Variants in GDF7 observed in about 807,000 individuals in gnomAD.
The protein encoded by GDF7 is growth differentiation factor 7.
A neutral mutation model predicts 13.4 loss-of-function variants in GDF7; 12 were observed. The ratio of observed to expected loss-of-function variants is 0.90; its 90% CI spans 0.57 to 1.45. The LOEUF (loss-of-function observed/expected upper bound fraction) is 1.45. Among genes scored for constraint, GDF7 ranks in the 40% most tolerant of loss-of-function variants. The pLI is 0.00. For synonymous variants in GDF7, 330 were observed against 306.4 expected, an observed-to-expected ratio of 1.08 and a Z score of -0.80; for missense variants, 651 against 652.4, an observed-to-expected ratio of 1.00 and a Z score of 0.02.
chr2:20,667,741 AC>A lies in GDF7; in HGVS notation c.391+114del. 1.3e-6 allele frequency: 1 copy of A among 771,300 alleles called. No homozygotes were observed. The highest frequency in any genetic ancestry group is 1.8e-6 in the Non-Finnish European group (1 of 564,958). The allele number at this position is 771,300 out of a possible 1,614,324, so 47.8% of individuals were successfully genotyped here. On this transcript the variant is annotated intron_variant, in intron 1 of 1. Transcript: ENST00000272224. The surrounding 1 kb of genome is among the most constrained non-coding windows in gnomAD (Gnocchi z 6.4). ...TTGGAGCCGCGGCCCCATGCGGCCC[AC>A]CCTCAGGTGATAGAAAGAAACTTCG...
intron 1 of GDF7, among the ~76,000 whole-genome samples, chr2:20,668,284 G>A (rs552308513): frequency 9.9e-5 from 15 of 152,204 alleles, no homozygotes; most frequent in African/African-American, 2.9e-4. Flanking sequence ...GCCCCTGGGA[G>A]AGCCAGAGGT....
rs770825747 is a variant in GDF7 at position 20,670,848 on chromosome 2, G to T, written c.776G>T (p.Gly259Val). The T allele has an allele frequency of 2.0e-6, 3 of 1,499,692 alleles. No individual in the cohort carries two copies. The highest frequency in any genetic ancestry group is 2.1e-4 in the Middle Eastern group (1 of 4,678). 92.9% of individuals were successfully genotyped at this position (1,499,692 alleles called of 1,614,324 possible). The change falls in exon 2 of 2, where the codon GGC becomes GTC. Residue 259 changes from glycine to valine, a missense_variant. This residue lies in a region of GDF7 where 487 missense variants were observed against 445.9 expected (regional missense o/e 1.09). Transcript: ENST00000272224. ...GGCTTCGGCTGGCCGGGCGGAGGGG[G>T]CTCTGCGGCAGAGGAGCGCGCGGTG... ...RLGFGWPGGG[G>V]SAAEERAVLV... is the part of the protein sequence containing the mutation.
In GDF7 at chr2:20,671,243, G is replaced by A. The variant is rs751602269; in HGVS notation, c.1171G>A (p.Glu391Lys). Residue 391 changes from glutamate to lysine, a missense_variant, in exon 2 of 2, where the codon GAG becomes AAG. Around this residue, in one of 4 missense-constraint regions of GDF7, gnomAD observed 101 missense variants for 139.2 expected, o/e 0.73. Coordinates refer to ENST00000272224, the MANE Select transcript of GDF7 (RefSeq NM_182828.4). ...LCDFPLRSHL[E>K]PTNHAIIQTL... ...CGACTTCCCTTTGCGTTCGCACCTC[G>A]AGCCCACCAACCATGCCATCATTCA... The A allele has an allele frequency of 6.2e-6, 10 of 1,613,882 alleles. No individual in the cohort carries two copies. In the Admixed American group the frequency reaches 1.7e-4, roughly 27 times the overall value.
Position 20,667,638 on chromosome 2 carries a change from C to T in GDF7, c.391+8C>T. On this transcript the variant is annotated splice_region_variant and intron_variant, in intron 1 of 1. Transcript: ENST00000272224. The surrounding 1 kb of genome is among the most constrained non-coding windows in gnomAD (Gnocchi z 6.4). ...CAGACCAGGCGACCCAAGGTACTTACGCCTCTTCTGTGCCCGCCCATCCCG... is the reference window on the plus strand; with the variant it reads ...CAGACCAGGCGACCCAAGGTACTTATGCCTCTTCTGTGCCCGCCCATCCCG... 6 of 1,457,920 alleles carry T rather than the reference C, an allele frequency of 4.1e-6. No homozygotes were observed. Among genetic ancestry groups the T allele is most frequent in the Non-Finnish European group, 5.4e-6 (6 of 1,108,900 alleles). 90.3% of individuals were successfully genotyped at this position (1,457,920 alleles called of 1,614,324 possible).
In GDF7 at chr2:20,670,676, C is replaced by CCCCT; in HGVS notation, c.605_608dup (p.Val204ProfsTer21). ...CCTGCTGTACTCGCGGGCAGCTGAG[C>CCCCT]CCCTAGTCGGTCAGCGCTGGGAGGC... is the stretch of plus-strand genomic sequence containing the variant. On this transcript the variant is annotated frameshift_variant, in exon 2 of 2. Coordinates refer to ENST00000272224, the MANE Select transcript of GDF7 (RefSeq NM_182828.4). LOFTEE classifies it low-confidence loss of function (END_TRUNC). 6.6e-7 allele frequency: 1 copy of CCCCT among 1,519,190 alleles called. No homozygotes were observed. Among genetic ancestry groups the CCCCT allele is most frequent in the East Asian group, 2.5e-5 (1 of 40,314 alleles). The allele number at this position is 1,519,190 out of a possible 1,614,324, so 94.1% of individuals were successfully genotyped here.
In GDF7 at chr2:20,671,231, C is replaced by A; in HGVS notation, c.1159C>A (p.Arg387Ser). ...CGAGGGCCTTTGCGACTTCCCTTTG[C>A]GTTCGCACCTCGAGCCCACCAACCA... is the stretch of plus-strand genomic sequence containing the variant. ...HCEGLCDFPL[R>S]SHLEPTNHAI... Residue 387 changes from arginine to serine, a missense_variant, in exon 2 of 2, where the codon CGT becomes AGT. Around this residue, in one of 4 missense-constraint regions of GDF7, gnomAD observed 101 missense variants for 139.2 expected, o/e 0.73. Coordinates refer to ENST00000272224, the MANE Select transcript of GDF7 (RefSeq NM_182828.4). 6.2e-7 allele frequency: 1 copy of A among 1,613,976 alleles called. No homozygotes were observed. The highest frequency in any genetic ancestry group is 8.5e-7 in the Non-Finnish European group (1 of 1,179,936).
Position 20,677,987 on chromosome 2 carries a change from T to A in GDF7, c.*6562T>A. The stretch of plus-strand genomic sequence containing the variant: ...CTGGGGCAGCAGCAGCAGCAGCAGC[T>A]GGGCTTGGGGTGAGTAGGCTGGCTT... On this transcript the variant is annotated 3_prime_UTR_variant, in exon 2 of 2. Transcript: ENST00000272224. 6.5e-6 allele frequency: 1 copy of A among 154,182 alleles called. No individual in the cohort carries two copies. 9.6% of individuals were successfully genotyped at this position (154,182 alleles called of 1,614,324 possible).
At position 20,671,119 on chromosome 2, in the gene GDF7, C is replaced by T; in HGVS notation, c.1047C>T (p.Cys349=). The T allele has an allele frequency of 3.1e-6, 5 of 1,609,042 alleles. No individual in the cohort carries two copies. The highest frequency in any genetic ancestry group is 4.2e-6 in the Non-Finnish European group (5 of 1,178,010). ...ACGGGCGCAGGGGCCGGAGCCGCTG[C>T]AGCCGCAAGCCGTTGCACGTGGACT... ...RGHGRRGRSR[C]SRKPLHVDFK... The change falls in exon 2 of 2, where the codon TGC becomes TGT. Residue 349 remains cysteine, a synonymous_variant. Coordinates refer to ENST00000272224, the MANE Select transcript of GDF7 (RefSeq NM_182828.4).
chr2:20,667,446 G>A lies in GDF7; in HGVS notation c.207G>A (p.Arg69=). The A allele has an allele frequency of 7.9e-6, 9 of 1,135,768 alleles. No individual in the cohort carries two copies. Among genetic ancestry groups the A allele is most frequent in the Non-Finnish European group, 9.7e-6 (9 of 924,046 alleles). The allele number at this position is 1,135,768 out of a possible 1,614,324, so 70.4% of individuals were successfully genotyped here. A position where few individuals can be genotyped will look rare whatever the true frequency, so the allele number is the denominator to read the frequency against. ...CTGTCCCGGCCGCCGCGGTTCCCCG[G>A]GCCCGCGCCGCGCGCCGCGCCGCGG... ...AAAVPAAAVP[R]ARAARRAAGS... Residue 69 remains arginine, a synonymous_variant, in exon 1 of 2, where the codon CGG becomes CGA. Transcript: ENST00000272224. The surrounding 1 kb of genome is among the most constrained non-coding windows in gnomAD (Gnocchi z 6.4).
In GDF7 at chr2:20,674,033, CAT is replaced by C. The variant is rs1232958827; in HGVS notation, c.*2609_*2610del. On this transcript the variant is annotated 3_prime_UTR_variant, in exon 2 of 2. Transcript: ENST00000272224. Reference sequence around the variant, plus strand: ...TAAAAATGACAACAAAGGGCCAACACATGTGGGGCAGACGGCTTTTTGCTGCT... The same window carrying C: ...TAAAAATGACAACAAAGGGCCAACACGTGGGGCAGACGGCTTTTTGCTGCT... The C allele has an allele frequency of 4.6e-5, 7 of 152,246 alleles. No homozygotes were observed. The highest frequency in any genetic ancestry group is 1.7e-4 in the African/African-American group (7 of 41,462). The allele number at this position is 152,246 out of a possible 1,614,324, so 9.4% of individuals were successfully genotyped here.
Position 20,670,607 on chromosome 2 carries a change from T to TTGC in GDF7, c.544_546dup (p.Leu182dup), listed in dbSNP as rs1042704917. ...CCCAGGCAGCTGGACTTCTCCGCCG[T>TTGC]TGCTGCTGCTGTCCACGTGCCCGGG... On this transcript the variant is annotated inframe_insertion, in exon 2 of 2. Coordinates refer to ENST00000272224, the MANE Select transcript of GDF7 (RefSeq NM_182828.4). 1 of 1,590,832 alleles carries TTGC rather than the reference T, an allele frequency of 6.3e-7. No homozygotes were observed. The highest frequency in any genetic ancestry group is 8.5e-7 in the Non-Finnish European group (1 of 1,170,952).
Position 20,670,446 on chromosome 2 carries a change from C to T in GDF7, c.392-18C>T, listed in dbSNP as rs2149311025. On this transcript the variant is annotated intron_variant, in intron 1 of 1. Coordinates refer to ENST00000272224, the MANE Select transcript of GDF7 (RefSeq NM_182828.4). ...TCTTACACAGCTCTTTCTCTCTGTC[C>T]CTGCCGGTCCCCCGCAGACGAATCG... is the stretch of plus-strand genomic sequence containing the variant. 1.3e-6 allele frequency: 2 copies of T among 1,511,692 alleles called. No homozygotes were observed. Among genetic ancestry groups the T allele is most frequent in the Non-Finnish European group, 1.8e-6 (2 of 1,129,242 alleles). The allele number at this position is 1,511,692 out of a possible 1,614,324, so 93.6% of individuals were successfully genotyped here.
rs1440919472 is a variant in GDF7, at chr2:20,674,416, G to C, written c.*2991G>C. 1 of 152,238 alleles carries C rather than the reference G, an allele frequency of 6.6e-6. No individual in the cohort carries two copies. The highest frequency in any genetic ancestry group is 1.5e-5 in the Non-Finnish European group (1 of 68,064). The allele number at this position is 152,238 out of a possible 1,614,324, so 9.4% of individuals were successfully genotyped here. ...ACCAGGATTTCCTGCTAGTGAGTAG[G>C]ATTTGGCATCCCTACTTAGGGAGCT... On this transcript the variant is annotated 3_prime_UTR_variant, in exon 2 of 2. Coordinates refer to ENST00000272224, the MANE Select transcript of GDF7 (RefSeq NM_182828.4).
At position 20,670,643 on chromosome 2, in the gene GDF7, G is replaced by C. The variant is rs1232293886; in HGVS notation, c.571G>C (p.Ala191Pro). Residue 191 changes from alanine to proline, a missense_variant, in exon 2 of 2, where the codon GCG (alanine) becomes CCG (proline). Physicochemically the swap from Ala to Pro is conservative, Grantham distance 27 (BLOSUM62 -1). Transcript: ENST00000272224. ...LLSTCPGAAR[A>P]PRLLYSRAAE... ...GTCCACGTGCCCGGGCGCCGCCCGA[G>C]CGCCACGCCTGCTGTACTCGCGGGC... 6.4e-7 allele frequency: 1 copy of C among 1,554,734 alleles called. No homozygotes were observed.
At position 20,667,828 on chromosome 2, in the gene GDF7, C is replaced by T. The variant is rs545645144; in HGVS notation, c.391+198C>T. ...CTGTGGCGAGAGTCGCGGCAGCTCC[C>T]GGGGCCCAGTCCCAGAGGGCTGACT... On this transcript the variant is annotated intron_variant, in intron 1 of 1. Coordinates refer to ENST00000272224, the MANE Select transcript of GDF7 (RefSeq NM_182828.4). The surrounding 1 kb of genome is among the most constrained non-coding windows in gnomAD (Gnocchi z 6.4). Among the ~76,000 whole-genome samples the T allele has an allele frequency of 6.6e-6, 1 of 152,316 alleles. No homozygotes were observed. The highest frequency in any genetic ancestry group is 2.1e-4 in the South Asian group (1 of 4,828).
intron 1 of GDF7, 127 bp from the exon 2 acceptor site, chr2:20,670,337 C>G: frequency 9.3e-7 from 1 of 1,072,080 alleles, no homozygotes; most frequent in East Asian, 3.2e-5. Flanking sequence ...CGGGCGCTGG[C>G]TCCAACAGGC....
Position 20,670,403 on chromosome 2 carries a change from A to G in GDF7, c.392-61A>G, listed in dbSNP as rs947156932. On this transcript the variant is annotated intron_variant, in intron 1 of 1. Transcript: ENST00000272224. ...TTTGCTGTTAGGAGGCCCCGCGCTG[A>G]CAGTGTGCAGGATTTGCTCTTACAC... The G allele has an allele frequency of 5.1e-5, 74 of 1,439,808 alleles. No homozygotes were observed. The African/African-American group carries it at 1.0e-3, about 20-fold the overall frequency. The allele number at this position is 1,439,808 out of a possible 1,614,324, so 89.2% of individuals were successfully genotyped here.
At chr2:20,669,015 A>T (rs913287499) in intron 1 of GDF7, among the ~76,000 whole-genome samples, 1 of 152,228 alleles carries the variant, frequency 6.6e-6, no homozygotes, top group South Asian at 2.1e-4. Flanking sequence ...GGTCTCAGAC[A>T]GGAGATAAAT....
chr2:20,668,550 C>A (rs959110793), intron 1 of GDF7, among the ~76,000 whole-genome samples: 1 of 152,180 alleles, frequency 6.6e-6, no homozygotes, highest in Non-Finnish European at 1.5e-5. Context: ...TTCTATCCAG[C>A]CAGAGACCCA....
Sources: gnomAD v4.1 joint callset for allele counts (sites outside exome capture counted in the v4.1 genomes callset) on GRCh38, gnomAD v4.1.1 for gene constraint, gnomAD v4.1.1 regional missense constraint, Gnocchi (gnomAD v3.1) non-coding constraint, MANE v1.5 for transcripts, NCBI Gene and HGNC (gene_info 2026-07-23, HGNC 2026-07-21) for gene names.